Variants in SLC26A3 observed in about 807,000 individuals in gnomAD.
The protein encoded by SLC26A3 is solute carrier family 26 member 3.
A neutral mutation model predicts 85.6 loss-of-function variants in SLC26A3; 64 were observed. The ratio of observed to expected loss-of-function variants is 0.75; its 90% CI spans 0.61 to 0.92. The LOEUF (loss-of-function observed/expected upper bound fraction) is 0.92. SLC26A3 is among the 40% of genes least tolerant of loss of function. SLC26A3 has a pLI of 0.00. For synonymous variants in SLC26A3, 349 were observed against 336.0 expected, an observed-to-expected ratio of 1.04 and a Z score of -0.42; for missense variants, 922 against 927.3, an observed-to-expected ratio of 0.99 and a Z score of 0.07.
rs1159059574 is a variant in SLC26A3, at chr7:107,791,072, G to T, written c.546C>A (p.Val182=). The change falls in exon 5 of 21, where the codon GTC becomes GTA. Residue 182 remains valine (V), a synonymous_variant. Coordinates refer to ENST00000340010, the MANE Select transcript of SLC26A3 (RefSeq NM_000111.3). ...CCTGGATGATTCCAGAAAGCACTGTGACTGATGCCGCCGCCGCCACCCTCA... is the reference window on the plus strand; with the variant it reads ...CCTGGATGATTCCAGAAAGCACTGTTACTGATGCCGCCGCCGCCACCCTCA... The part of the protein sequence containing the change: ...ERVRVAAAAS[V]TVLSGIIQLA... 1 of 1,614,032 alleles carries T rather than the reference G, an allele frequency of 6.2e-7. No homozygotes were observed. The highest frequency in any genetic ancestry group is 8.5e-7 in the Non-Finnish European group (1 of 1,180,018).
At chr7:107,800,326 C>A (rs192513122) in intron 1 of SLC26A3, among the ~76,000 whole-genome samples, 19 of 152,334 alleles carry the variant, frequency 1.2e-4, no homozygotes, top group African/African-American at 4.6e-4. Context: ...GAAACCCTGT[C>A]TCTAAAACAA....
intron 8 of SLC26A3, 44 bp downstream of exon 8, chr7:107,786,783 C>G: frequency 6.7e-7 from 1 of 1,501,270 alleles, no homozygotes; most frequent in South Asian, 1.1e-5. Flanking sequence ...ACTGCTAACT[C>G]TCTGCTTAGT....
chr7:107,775,020 A>G, intron 15 of SLC26A3, 148 bp from the exon 16 acceptor site: 1 of 714,558 alleles, frequency 1.4e-6, no homozygotes, highest in East Asian at 2.7e-5. Context: ...TTTAAACAAT[A>G]TCAGCCAGAA....
At chr7:107,782,286 C>T (rs1264337842) in intron 11 of SLC26A3, among the ~76,000 whole-genome samples, 1 of 152,148 alleles carries the variant, frequency 6.6e-6, no homozygotes, top group African/African-American at 2.4e-5. Context: ...AGCTTATAGG[C>T]AGAGGAGCAT....
chr7:107,770,236 T>C, intron 18 of SLC26A3, among the ~76,000 whole-genome samples: 4 of 38,982 alleles, frequency 1.0e-4, no homozygotes, highest in Non-Finnish European at 1.8e-4. Context: ...TTTTTTTTTT[T>C]TTTTTTTTTT....
intron 1 of SLC26A3, among the ~76,000 whole-genome samples, chr7:107,801,801 C>T (rs541088123): frequency 1.1e-4 from 16 of 151,790 alleles, no homozygotes; most frequent in African/African-American, 2.9e-4. Context: ...AATCCTTGGC[C>T]GGATGGGGTG....
At chr7:107,790,150 A>C (rs1345372036) in intron 5 of SLC26A3, among the ~76,000 whole-genome samples, 1 of 152,224 alleles carries the variant, frequency 6.6e-6, no homozygotes, top group African/African-American at 2.4e-5. Flanking sequence ...TAAGAAATAC[A>C]TAACTGCATA....
At position 107,798,651 on chromosome 7, in the gene SLC26A3, C is replaced by T. The variant is rs116868405; in HGVS notation, c.-88-4054G>A. 6.0e-4 allele frequency among the ~76,000 whole-genome samples: 91 copies of T among 152,238 alleles called. 1 individual carries two copies. In the South Asian group the frequency reaches 0.01, roughly 17 times the overall value. On this transcript the variant is annotated intron_variant, in intron 1 of 20. Transcript: ENST00000340010. ...GGTGCAGAACACTTCCCAGCCCCTC[C>T]GCAGTCACATTAGATGCCTCCACTC...
chr7:107,777,758 C>A (rs1344469462), intron 13 of SLC26A3, among the ~76,000 whole-genome samples: 1 of 152,134 alleles, frequency 6.6e-6, no homozygotes, highest in African/African-American at 2.4e-5. Context: ...GGCAATCTAA[C>A]AACCTATAAA....
At chr7:107,770,018 CTTTCTTTCTTTCTTTCTTTCT>C (rs1203944845) in intron 18 of SLC26A3, among the ~76,000 whole-genome samples, 5 of 38,426 alleles carry the variant, frequency 1.3e-4, no homozygotes, top group African/African-American at 1.2e-3. Flanking sequence ...TTCTTTCTTT[CTTTCTTTCTTTCTTTCTTTCT>C]TTCTTTCTTT....
At chr7:107,768,343 T>G (rs769711862) in intron 18 of SLC26A3, among the ~76,000 whole-genome samples, 8 of 152,212 alleles carry the variant, frequency 5.3e-5, no homozygotes, top group Non-Finnish European at 1.0e-4. Flanking sequence ...TTCCCAAAGC[T>G]GCTGGGTTTT....
intron 1 of SLC26A3, among the ~76,000 whole-genome samples, chr7:107,794,957 T>A (rs1487489163): frequency 6.6e-6 from 1 of 152,314 alleles, no homozygotes; most frequent in East Asian, 1.9e-4. Context: ...GATTTAAAGT[T>A]TTTTTATTGC....
At chr7:107,789,113 CTTTTT>C (rs1794349239) in intron 6 of SLC26A3, among the ~76,000 whole-genome samples, 1 of 124,784 alleles carries the variant, frequency 8.0e-6, no homozygotes, top group Admixed American at 8.2e-5. Flanking sequence ...CTTTTCTTTT[CTTTTT>C]CTTTTTTTTT....
chr7:107,782,411 G>A (rs973677011), intron 11 of SLC26A3, among the ~76,000 whole-genome samples: 1 of 152,288 alleles, frequency 6.6e-6, no homozygotes, highest in South Asian at 2.1e-4. Context: ...TCCTAAGAAC[G>A]AGTTGTGTGG....
rs926918370 is a variant in SLC26A3, at chr7:107,795,857, C to G, written c.-88-1260G>C. On this transcript the variant is annotated intron_variant, in intron 1 of 20. Transcript: ENST00000340010. The stretch of plus-strand genomic sequence containing the variant: ...TCTTGTTACACCGTGCCCTCATATA[C>G]CTTATGGGATTTTCAGCATGTTTGC... 3.3e-5 allele frequency among the ~76,000 whole-genome samples: 5 copies of G among 151,908 alleles called. No homozygotes were observed. In the South Asian group the frequency reaches 8.3e-4, roughly 25 times the overall value.
At chr7:107,797,816 TAGGAA>T in intron 1 of SLC26A3, among the ~76,000 whole-genome samples, 1 of 149,530 alleles carries the variant, frequency 6.7e-6, no homozygotes, top group Non-Finnish European at 1.5e-5. Flanking sequence ...CATCTTTAAT[TAGGAA>T]TTAAAAAGAG....
intron 11 of SLC26A3, among the ~76,000 whole-genome samples, 188 bp from the exon 12 acceptor site, chr7:107,779,951 A>G (rs1794189010): frequency 6.6e-6 from 1 of 152,054 alleles, no homozygotes; most frequent in Non-Finnish European, 1.5e-5. Context: ...GTTCCTATGA[A>G]TGACTTTGTC....
At chr7:107,774,627 AGAAG>A (rs1203580538) in intron 16 of SLC26A3, 146 bp downstream of exon 16, 8 of 697,800 alleles carry the variant, frequency 1.1e-5, no homozygotes, top group Non-Finnish European at 2.1e-5. Flanking sequence ...GGAGACCCTC[AGAAG>A]GATGTCATTT....
Position 107,794,460 on chromosome 7 carries a change from G to C in SLC26A3, c.50C>G (p.Ser17Cys). Residue 17 changes from serine (S) to cysteine (C), a missense_variant, in exon 2 of 21, where the codon TCT becomes TGT. Coordinates refer to ENST00000340010, the MANE Select transcript of SLC26A3 (RefSeq NM_000111.3). Reference sequence around the variant, plus strand: ...ATGATTTTCCTCAAAAGCATTTGTAGAATACACTGGCCTGGCCACAATATA... The same window carrying C: ...ATGATTTTCCTCAAAAGCATTTGTACAATACACTGGCCTGGCCACAATATA... ...NQYIVARPVYSTNAFEENHKK... is the reference protein window; with the variant it reads ...NQYIVARPVYCTNAFEENHKK... 4 of 1,613,920 alleles carry C rather than the reference G, an allele frequency of 2.5e-6. No individual in the cohort carries two copies. Among genetic ancestry groups the C allele is most frequent in the Non-Finnish European group, 3.4e-6 (4 of 1,179,854 alleles).
Sources: gnomAD v4.1 joint callset for allele counts (sites outside exome capture counted in the v4.1 genomes callset) on GRCh38, gnomAD v4.1.1 for gene constraint, MANE v1.5 for transcripts, NCBI Gene and HGNC (gene_info 2026-07-23, HGNC 2026-07-21) for gene names.